FAM171A1: variants seen among roughly 807,000 people sequenced by gnomAD.
The protein encoded by FAM171A1 is family with sequence similarity 171 member A1, also known as protein FAM171A1.
FAM171A1 carries 23 observed loss-of-function variants against 74.9 expected under a neutral mutation model. The observed-to-expected ratio is 0.31, with a 90% confidence interval of 0.22 to 0.44. The LOEUF is 0.44. Among genes scored for constraint, FAM171A1 ranks in the 20% least tolerant of loss-of-function variants. The pLI, the probability that FAM171A1 is intolerant of heterozygous loss-of-function variation, is 1.00. For synonymous variants in FAM171A1, 527 were observed against 505.7 expected, an observed-to-expected ratio of 1.04 and a Z score of -0.57; for missense variants, 1,162 against 1,159.2, an observed-to-expected ratio of 1.00 and a Z score of -0.03.
chr10:15,304,000 T>C (rs778477127), intron 1 of FAM171A1, among the ~76,000 whole-genome samples: 1 of 152,228 alleles, frequency 6.6e-6, no homozygotes, highest in Non-Finnish European at 1.5e-5. Flanking sequence ...ACAGGACGAT[T>C]TCCCGGGGCT....
intron 1 of FAM171A1, among the ~76,000 whole-genome samples, chr10:15,338,038 G>T (rs1480891830): frequency 2.0e-5 from 3 of 151,960 alleles, no homozygotes; most frequent in African/African-American, 4.8e-5. Context: ...AAAAAACAAA[G>T]AATTCTTCTT....
Position 15,331,859 on chromosome 10 carries a change from G to GTGTATACATATATATA in FAM171A1, c.97+39096_97+39097insTATATATATGTATACA, listed in dbSNP as rs60559617. Among the ~76,000 whole-genome samples the GTGTATACATATATATA allele has an allele frequency of 2.2e-3, 97 of 44,818 alleles. 3 individuals carry two copies. The highest frequency in any genetic ancestry group is 2.4e-3 in the African/African-American group (27 of 11,434). 29.4% of individuals were successfully genotyped at this position (44,818 alleles called of 152,430 possible). A position where few individuals can be genotyped will look rare whatever the true frequency, so the allele number is the denominator to read the frequency against. On this transcript the variant is annotated intron_variant, in intron 1 of 7. Transcript: ENST00000378116. ...TATATATGTGTGTATATATATGTGT[G>GTGTATACATATATATA]TATATATATGTGTGTGTATACATAT...
At chr10:15,341,263 CT>C (rs1318785792) in intron 1 of FAM171A1, among the ~76,000 whole-genome samples, 2 of 152,198 alleles carry the variant, frequency 1.3e-5, no homozygotes, top group Non-Finnish European at 2.9e-5. Context: ...CAAAACACCT[CT>C]GCTTAGCTTA....
intron 3 of FAM171A1, among the ~76,000 whole-genome samples, chr10:15,263,125 G>A (rs536033618): frequency 7.9e-5 from 12 of 152,288 alleles, no homozygotes; most frequent in South Asian, 2.1e-4. Context: ...GGTGCCAGTC[G>A]GCCCGATGAC....
chr10:15,292,978 T>A (rs921871938), intron 1 of FAM171A1, among the ~76,000 whole-genome samples: 2 of 152,198 alleles, frequency 1.3e-5, no homozygotes, highest in Non-Finnish European at 2.9e-5. Context: ...GATCCCAGCC[T>A]CACCCCAAAT....
chr10:15,313,023 C>T (rs1345446703), intron 1 of FAM171A1, among the ~76,000 whole-genome samples: 2 of 152,016 alleles, frequency 1.3e-5, no homozygotes, highest in African/African-American at 2.4e-5. Context: ...TACTTTTGAG[C>T]GAGATGTTCT....
At chr10:15,337,220 A>G (rs997928835) in intron 1 of FAM171A1, among the ~76,000 whole-genome samples, 8 of 152,146 alleles carry the variant, frequency 5.3e-5, no homozygotes, top group African/African-American at 1.9e-4. Flanking sequence ...TCTGTGTTTC[A>G]AAGAGCCAGA....
In FAM171A1 at chr10:15,353,351, C is replaced by T. The variant is rs146204372; in HGVS notation, c.97+17605G>A. ...TTGTATCACAATACTTGGAATAACA[C>T]GCATACATTTTTCTAACACTGTTGT... On this transcript the variant is annotated intron_variant, in intron 1 of 7. Transcript: ENST00000378116. 1.2e-3 allele frequency among the ~76,000 whole-genome samples: 185 copies of T among 152,264 alleles called. No homozygotes were observed. The South Asian group carries it at 0.013, about 10-fold the overall frequency.
At chr10:15,282,942 T>C (rs1834988871) in intron 2 of FAM171A1, among the ~76,000 whole-genome samples, 1 of 152,232 alleles carries the variant, frequency 6.6e-6, no homozygotes, top group African/African-American at 2.4e-5. Flanking sequence ...ACTAAACCTC[T>C]AGCCCAGATC....
At chr10:15,253,170 A>G (rs1182560618) in intron 4 of FAM171A1, among the ~76,000 whole-genome samples, 1 of 151,852 alleles carries the variant, frequency 6.6e-6, no homozygotes, top group Non-Finnish European at 1.5e-5. Flanking sequence ...CACCCAGCTA[A>G]TTTTTGTATT....
intron 2 of FAM171A1, among the ~76,000 whole-genome samples, 188 bp from the exon 3 acceptor site, chr10:15,276,135 T>C (rs981476483): frequency 3.3e-5 from 5 of 152,204 alleles, no homozygotes; most frequent in Admixed American, 1.3e-4. Context: ...CATATAACAA[T>C]TACTTGCCTT....
intron 7 of FAM171A1, among the ~76,000 whole-genome samples, chr10:15,215,026 T>C (rs7084104): frequency 0.029 from 4,436 of 152,128 alleles, 207 homozygotes; most frequent in African/African-American, 0.1. Context: ...CCTCCCAAAG[T>C]GCTAGGCCTC....
rs180882190 is a variant in FAM171A1, at chr10:15,317,065, C to G, written c.98-32960G>C. Among the ~76,000 whole-genome samples, 757 of 151,372 alleles carry G rather than the reference C, an allele frequency of 5.0e-3. 5 individuals carry two copies. Among genetic ancestry groups the G allele is most frequent in the Non-Finnish European group, 6.6e-3 (448 of 67,850 alleles). ...TCTGGGAGAAAAAAAAAAAAAATCACAAGGTGGCAACAGTTGTATAGGAAA... is the reference window on the plus strand; with the variant it reads ...TCTGGGAGAAAAAAAAAAAAAATCAGAAGGTGGCAACAGTTGTATAGGAAA... On this transcript the variant is annotated intron_variant, in intron 1 of 7. Transcript: ENST00000378116.
intron 1 of FAM171A1, among the ~76,000 whole-genome samples, chr10:15,365,671 G>A (rs1474910419): frequency 3.3e-5 from 5 of 152,044 alleles, no homozygotes; most frequent in African/African-American, 7.2e-5. Context: ...TAGGGAGGCC[G>A]AGGCAGGAGA....
chr10:15,311,597 C>A (rs1258975555), intron 1 of FAM171A1, among the ~76,000 whole-genome samples: 1 of 152,196 alleles, frequency 6.6e-6, no homozygotes, highest in Non-Finnish European at 1.5e-5. Flanking sequence ...CTAAAGCATT[C>A]TTCTGGGTGG....
intron 1 of FAM171A1, among the ~76,000 whole-genome samples, chr10:15,310,691 G>A (rs890503653): frequency 2.6e-5 from 4 of 151,964 alleles, no homozygotes; most frequent in East Asian, 1.9e-4. Flanking sequence ...GTGAAACCCC[G>A]TCTACTACAA....
chr10:15,341,588 C>G (rs1835764840), intron 1 of FAM171A1, among the ~76,000 whole-genome samples: 1 of 152,120 alleles, frequency 6.6e-6, no homozygotes, highest in African/African-American at 2.4e-5. Context: ...ATGGTAAAAA[C>G]AAATTAATTA....
chr10:15,344,431 C>T (rs2131873395), intron 1 of FAM171A1, among the ~76,000 whole-genome samples: 1 of 152,200 alleles, frequency 6.6e-6, no homozygotes, highest in African/African-American at 2.4e-5. Context: ...GAGTCCCAGT[C>T]CCAGCTACTT....
At chr10:15,248,853 A>G (rs1190512321) in intron 4 of FAM171A1, 38 bp from the exon 5 acceptor site, 9 of 1,579,934 alleles carry the variant, frequency 5.7e-6, no homozygotes, top group South Asian at 1.2e-5. Flanking sequence ...TTGCATGCAA[A>G]GTACCCATGT....
Sources: gnomAD v4.1 joint callset for allele counts (sites outside exome capture counted in the v4.1 genomes callset) on GRCh38, gnomAD v4.1.1 for gene constraint, MANE v1.5 for transcripts, NCBI Gene and HGNC (gene_info 2026-07-23, HGNC 2026-07-21) for gene names.